RAPGEF4: variants seen among roughly 807,000 people sequenced by gnomAD.
RAPGEF4 encodes the protein Rap guanine nucleotide exchange factor 4, also known as RAP guanine-nucleotide-exchange factor (GEF) 4.
In RAPGEF4, 66 loss-of-function variants were observed where a neutral mutation model predicts 147.9. That is an observed-to-expected ratio of 0.45 (90% CI 0.37 to 0.55). RAPGEF4 has a LOEUF of 0.55. Among genes scored for constraint, RAPGEF4 ranks in the 20% least tolerant of loss-of-function variants. RAPGEF4 has a pLI of 0.00. For synonymous variants in RAPGEF4, 419 were observed against 442.7 expected (o/e 0.95, Z 0.67); for missense variants, 1,071 against 1,257.3 (o/e 0.85, Z 2.24).
intron 1 of RAPGEF4, among the ~76,000 whole-genome samples, chr2:172,760,817 A>G (rs945248328): frequency 2.0e-5 from 3 of 152,192 alleles, no homozygotes; most frequent in Admixed American, 1.3e-4. Flanking sequence ...AAGTTACCCA[A>G]TTTGAACAAC....
chr2:172,917,992 G>A, intron 5 of RAPGEF4, 118 bp downstream of exon 5: 1 of 880,310 alleles, frequency 1.1e-6, no homozygotes, highest in Non-Finnish European at 1.9e-6. Context: ...ACTCTTTTGT[G>A]GATAAACAAA....
Position 172,736,043 on chromosome 2 carries a change from TA to T in RAPGEF4, c.64del (p.Arg22AspfsTer12). ...CTGCCGAGTGGATCGCCTGCCTGGA[TA>T]AAAGGTAGCTCGCCGGGGGCCGCAG... is the stretch of plus-strand genomic sequence containing the variant. ...SSAEWIACLD[K>X]RPLERSSEDV... is the part of the protein sequence containing the mutation. On this transcript the variant is annotated frameshift_variant, in exon 1 of 31. Coordinates refer to ENST00000397081, the MANE Select transcript of RAPGEF4 (RefSeq NM_007023.4). LOFTEE classifies it high-confidence loss of function. The T allele has an allele frequency of 7.2e-7, 1 of 1,382,218 alleles. No individual in the cohort carries two copies. Among genetic ancestry groups the T allele is most frequent in the Non-Finnish European group, 9.3e-7 (1 of 1,073,628 alleles). The allele number at this position is 1,382,218 out of a possible 1,614,324, so 85.6% of individuals were successfully genotyped here. A position where few individuals can be genotyped will look rare whatever the true frequency, so the allele number is the denominator to read the frequency against.
intron 6 of RAPGEF4, among the ~76,000 whole-genome samples, chr2:172,942,591 AT>A (rs1392022784): frequency 8.7e-5 from 13 of 149,528 alleles, no homozygotes; most frequent in African/African-American, 3.2e-4. Flanking sequence ...AAAAAAAAAA[AT>A]TCAGTAACCA....
At chr2:172,777,589 A>C (rs1684299765) in intron 1 of RAPGEF4, among the ~76,000 whole-genome samples, 1 of 151,862 alleles carries the variant, frequency 6.6e-6, no homozygotes, top group African/African-American at 2.4e-5. Context: ...GACCCCCCCC[A>C]TGCTAAACTT....
intron 6 of RAPGEF4, 93 bp downstream of exon 6, chr2:172,922,393 C>G: frequency 8.6e-7 from 1 of 1,167,088 alleles, no homozygotes; most frequent in Middle Eastern, 1.9e-4. Flanking sequence ...GCTCTTGACC[C>G]ACATTCAACA....
chr2:172,972,338 G>C (rs868857494), intron 10 of RAPGEF4, among the ~76,000 whole-genome samples: 6 of 152,158 alleles, frequency 3.9e-5, no homozygotes, highest in African/African-American at 1.2e-4. Context: ...GTTTCTTCGG[G>C]GGATTCCAGA....
intron 4 of RAPGEF4, among the ~76,000 whole-genome samples, chr2:172,874,443 C>G (rs929238443): frequency 6.6e-6 from 1 of 152,134 alleles, no homozygotes; most frequent in African/African-American, 2.4e-5. Flanking sequence ...GTTCCCCTTC[C>G]TGTGTCCAAG....
intron 6 of RAPGEF4, among the ~76,000 whole-genome samples, chr2:172,923,513 C>A (rs754211572): frequency 3.9e-5 from 6 of 152,192 alleles, no homozygotes; most frequent in Non-Finnish European, 7.3e-5. Flanking sequence ...AGTGATCCAT[C>A]AGCCTGGGCC....
chr2:172,950,052 C>A (rs16861064), intron 6 of RAPGEF4, among the ~76,000 whole-genome samples: 2,227 of 152,254 alleles, frequency 0.015, 49 homozygotes, highest in African/African-American at 0.05. Flanking sequence ...TAAATTTGTT[C>A]TCTATACTTA....
At chr2:173,015,867 A>G (rs986668312) in intron 18 of RAPGEF4, among the ~76,000 whole-genome samples, 1 of 152,218 alleles carries the variant, frequency 6.6e-6, no homozygotes, top group African/African-American at 2.4e-5. Context: ...TCAATAAACA[A>G]TACATACCAA....
At chr2:172,822,390 T>C (rs566846088) in intron 4 of RAPGEF4, among the ~76,000 whole-genome samples, 1 of 152,334 alleles carries the variant, frequency 6.6e-6, no homozygotes, top group East Asian at 1.9e-4. Context: ...GTGATGGTAT[T>C]TCACCCTCCA....
At chr2:172,875,936 A>T (rs1221537711) in intron 4 of RAPGEF4, among the ~76,000 whole-genome samples, 1 of 152,116 alleles carries the variant, frequency 6.6e-6, no homozygotes, top group East Asian at 1.9e-4. Flanking sequence ...AGTGGTTTGT[A>T]GTTCTCCTTG....
At chr2:172,916,863 AAGC>A (rs1170181379) in intron 4 of RAPGEF4, among the ~76,000 whole-genome samples, 1 of 152,212 alleles carries the variant, frequency 6.6e-6, no homozygotes, top group Admixed American at 6.5e-5. Flanking sequence ...TGCAACCCAC[AAGC>A]ACACTATGGA....
intron 4 of RAPGEF4, among the ~76,000 whole-genome samples, chr2:172,913,605 C>A (rs1683694668): frequency 1.3e-5 from 2 of 152,152 alleles, no homozygotes; most frequent in Non-Finnish European, 2.9e-5. Context: ...GAGAGTTGAC[C>A]AGAGCACTCA....
intron 1 of RAPGEF4, among the ~76,000 whole-genome samples, chr2:172,785,472 C>T (rs1334555690): frequency 1.3e-5 from 2 of 152,138 alleles, no homozygotes; most frequent in African/African-American, 2.4e-5. Context: ...AGCTCACATG[C>T]ATTATCTCAG....
chr2:172,985,301 G>A, intron 11 of RAPGEF4, 132 bp from the exon 12 acceptor site: 2 of 1,230,948 alleles, frequency 1.6e-6, no homozygotes, highest in Non-Finnish European at 2.3e-6. Flanking sequence ...GAGAGCAGCA[G>A]CAAGAGAGGT....
At chr2:172,978,562 A>T (rs1426813229) in intron 10 of RAPGEF4, among the ~76,000 whole-genome samples, 1 of 152,158 alleles carries the variant, frequency 6.6e-6, no homozygotes, top group Non-Finnish European at 1.5e-5. Context: ...ACTGAGTGTG[A>T]CAGGCGTGGA....
At chr2:172,889,115 C>T (rs185771679) in intron 4 of RAPGEF4, among the ~76,000 whole-genome samples, 1 of 152,286 alleles carries the variant, frequency 6.6e-6, no homozygotes, top group East Asian at 1.9e-4. Flanking sequence ...TCATATTTAT[C>T]ATCTCAAAGA....
intron 3 of RAPGEF4, among the ~76,000 whole-genome samples, chr2:172,804,176 A>G (rs1302464077): frequency 6.6e-6 from 1 of 152,176 alleles, no homozygotes; most frequent in Non-Finnish European, 1.5e-5. Context: ...ATATATCTGT[A>G]TATAAATTTC....
Sources: gnomAD v4.1 joint callset for allele counts (sites outside exome capture counted in the v4.1 genomes callset) on GRCh38, gnomAD v4.1.1 for gene constraint, MANE v1.5 for transcripts, NCBI Gene and HGNC (gene_info 2026-07-23, HGNC 2026-07-21) for gene names.